MCCC2: variants seen among roughly 807,000 people sequenced by gnomAD.
MCCC2 encodes methylcrotonyl-CoA carboxylase subunit 2.
A neutral mutation model predicts 77.2 loss-of-function variants in MCCC2; 52 were observed. The observed-to-expected ratio is 0.67, with a 90% CI of 0.54 to 0.85. The LOEUF (loss-of-function observed/expected upper bound fraction) is 0.85. Among genes scored for constraint, MCCC2 ranks in the 40% least tolerant of loss-of-function variants. MCCC2 has a pLI of 0.00. For missense variants in MCCC2, 682 were observed against 703.2 expected, an observed-to-expected ratio of 0.97 and a Z score of 0.34; for synonymous variants, 253 against 248.4, an observed-to-expected ratio of 1.02 and a Z score of -0.18.
At chr5:71,635,330 A>G in intron 10 of MCCC2, 84 bp downstream of exon 10, 2 of 1,232,570 alleles carry the variant, frequency 1.6e-6, no homozygotes, top group Non-Finnish European at 2.4e-6. Flanking sequence ...AAAGTTTGTT[A>G]AGATATGTTC....
At chr5:71,649,754 TAAAG>T (rs1268590377) in intron 14 of MCCC2, among the ~76,000 whole-genome samples, 3 of 152,066 alleles carry the variant, frequency 2.0e-5, no homozygotes, top group African/African-American at 4.8e-5. Flanking sequence ...AACTAAAAAA[TAAAG>T]AGAGACAGCA....
chr5:71,591,725 C>G (rs554954169), intron 1 of MCCC2, among the ~76,000 whole-genome samples: 2 of 151,964 alleles, frequency 1.3e-5, no homozygotes, highest in East Asian at 3.9e-4. Context: ...GCGTGAGCCA[C>G]CACGGCTGGC....
At position 71,619,227 on chromosome 5, in the gene MCCC2, A is replaced by G. The variant is rs115691937; in HGVS notation, c.625-7413A>G. ...CCTTGGTAATTGTTTTGAGGAGCTT[A>G]GTTAGGATAGGTACTGCATCCTTTT... On this transcript the variant is annotated intron_variant, in intron 6 of 16. Transcript: ENST00000340941. Among the ~76,000 whole-genome samples the G allele has an allele frequency of 4.4e-3, 665 of 152,018 alleles. 5 individuals carry two copies. The Middle Eastern group carries it at 0.061, about 14-fold the overall frequency.
At chr5:71,632,777 A>T (rs1226743901) in intron 8 of MCCC2, among the ~76,000 whole-genome samples, 1 of 152,070 alleles carries the variant, frequency 6.6e-6, no homozygotes, top group Admixed American at 6.5e-5. Context: ...TCAGACACAG[A>T]TGCACGTAGT....
intron 11 of MCCC2, among the ~76,000 whole-genome samples, chr5:71,643,376 G>A (rs1028473775): frequency 2.0e-5 from 3 of 152,062 alleles, no homozygotes; most frequent in African/African-American, 7.2e-5. Context: ...AACAGAGTGA[G>A]ACCTTGTCTC....
At chr5:71,645,621 TC>T (rs1747253520) in intron 12 of MCCC2, among the ~76,000 whole-genome samples, 1 of 152,242 alleles carries the variant, frequency 6.6e-6, no homozygotes, top group African/African-American at 2.4e-5. Flanking sequence ...TTCTGGCTTT[TC>T]TAAAGTGGAG....
At chr5:71,628,267 T>C (rs572664594) in intron 7 of MCCC2, among the ~76,000 whole-genome samples, 1 of 152,376 alleles carries the variant, frequency 6.6e-6, no homozygotes, top group Admixed American at 6.5e-5. Context: ...GAATTCTATA[T>C]GTGTTCTGAA....
intron 10 of MCCC2, chr5:71,635,661 C>T (rs527709888): frequency 4.4e-5 from 15 of 343,082 alleles, no homozygotes; most frequent in African/African-American, 3.0e-4. Flanking sequence ...ATGACATTTG[C>T]AATGATTAGA....
At chr5:71,624,143 C>T (rs1746454529) in intron 6 of MCCC2, among the ~76,000 whole-genome samples, 1 of 152,198 alleles carries the variant, frequency 6.6e-6, no homozygotes, top group African/African-American at 2.4e-5. Context: ...GATCTCCTGT[C>T]TCTTCCTTAT....
intron 6 of MCCC2, among the ~76,000 whole-genome samples, chr5:71,614,545 G>A (rs1043324595): frequency 2.7e-5 from 4 of 150,180 alleles, no homozygotes; most frequent in Admixed American, 1.3e-4. Context: ...GCAGTGGCGT[G>A]CAATATTGGC....
Position 71,657,816 on chromosome 5 carries a change from A to T in MCCC2, c.*956A>T, listed in dbSNP as rs1747625901. Reference sequence around the variant, plus strand: ...AGCCCCTGTCATGGCTTCACTCGCCATCTAAATGCAGATGATTACTGCCTT... The same window carrying T: ...AGCCCCTGTCATGGCTTCACTCGCCTTCTAAATGCAGATGATTACTGCCTT... On this transcript the variant is annotated 3_prime_UTR_variant, in exon 17 of 17. Coordinates refer to ENST00000340941, the MANE Select transcript of MCCC2 (RefSeq NM_022132.5). The T allele has an allele frequency of 1.3e-5, 2 of 152,166 alleles. No individual in the cohort carries two copies. Among genetic ancestry groups the T allele is most frequent in the Admixed American group, 1.3e-4 (2 of 15,276 alleles). 9.4% of individuals were successfully genotyped at this position (152,166 alleles called of 1,614,324 possible).
intron 8 of MCCC2, among the ~76,000 whole-genome samples, 170 bp from the exon 9 acceptor site, chr5:71,634,773 G>A (rs1439418279): frequency 6.6e-6 from 1 of 152,166 alleles, no homozygotes; most frequent in African/African-American, 2.4e-5. Flanking sequence ...TTTTGCCAGA[G>A]TTCTTAAAAG....
rs773098136 is a variant in MCCC2, at chr5:71,643,846, T to C, written c.1100T>C (p.Val367Ala). ...TTTGCTCGAATATTTGGGTACCCAGTAGGTATCGTTGGAAACAACGGAGTT... is the reference window on the plus strand; with the variant it reads ...TTTGCTCGAATATTTGGGTACCCAGCAGGTATCGTTGGAAACAACGGAGTT... ...TGFARIFGYP[V>A]GIVGNNGVLF... The change falls in exon 12 of 17, where the codon GTA (valine) becomes GCA (alanine). Residue 367 changes from valine (V) to alanine (A), a missense_variant. Coordinates refer to ENST00000340941, the MANE Select transcript of MCCC2 (RefSeq NM_022132.5). 4.3e-6 allele frequency: 7 copies of C among 1,614,114 alleles called. No homozygotes were observed. In the Admixed American group the frequency reaches 1.0e-4, roughly 23 times the overall value.
At chr5:71,622,024 G>A (rs1746366518) in intron 6 of MCCC2, among the ~76,000 whole-genome samples, 1 of 152,120 alleles carries the variant, frequency 6.6e-6, no homozygotes, top group Non-Finnish European at 1.5e-5. Context: ...CCTCATGCCT[G>A]TAATCCCAGC....
intron 15 of MCCC2, among the ~76,000 whole-genome samples, chr5:71,650,687 C>T (rs967313516): frequency 3.3e-5 from 5 of 151,940 alleles, no homozygotes; most frequent in Admixed American, 6.6e-5. Flanking sequence ...CTCGCTTTGT[C>T]GCCCAGGCTG....
chr5:71,614,359 G>A (rs115178252), intron 6 of MCCC2, among the ~76,000 whole-genome samples: 380 of 151,852 alleles, frequency 2.5e-3, no homozygotes, highest in Non-Finnish European at 4.3e-3. Context: ...AATTTTCTTG[G>A]GCAAGGCACG....
intron 8 of MCCC2, among the ~76,000 whole-genome samples, chr5:71,633,137 A>ATATATATATATATATATT (rs1746800422): frequency 1.5e-5 from 1 of 68,096 alleles, no homozygotes; most frequent in African/African-American, 5.0e-5. Context: ...ATATATTTTT[A>ATATATATATATATATATT]TTTTTTGTAG....
Position 71,599,771 on chromosome 5 carries a change from T to C in MCCC2, c.383+11T>C, listed in dbSNP as rs1355978439. On this transcript the variant is annotated intron_variant, in intron 4 of 16. Coordinates refer to ENST00000340941, the MANE Select transcript of MCCC2 (RefSeq NM_022132.5). ...TGGAAGAGTATCAGGGTGAGTATTC[T>C]ACTTGTGCTTCATAATGTGGGTTGA... 1 of 1,603,640 alleles carries C rather than the reference T, an allele frequency of 6.2e-7. No individual in the cohort carries two copies. The highest frequency in any genetic ancestry group is 1.7e-5 in the Admixed American group (1 of 60,006).
At chr5:71,617,242 G>A (rs1028624463) in intron 6 of MCCC2, among the ~76,000 whole-genome samples, 5 of 152,004 alleles carry the variant, frequency 3.3e-5, no homozygotes, top group East Asian at 3.9e-4. Flanking sequence ...CTCCTGGGTC[G>A]GAGTCTCCAA....
Sources: allele counts gnomAD v4.1 joint callset (sites outside exome capture counted in the v4.1 genomes callset), GRCh38; gene constraint gnomAD v4.1.1; transcripts MANE v1.5; gene names NCBI Gene and HGNC (gene_info 2026-07-23, HGNC 2026-07-21).